Variants in NELL1 observed in about 807,000 individuals in gnomAD.
NELL1 encodes the protein protein kinase C-binding protein NELL1.
Under a neutral mutation model 107.4 loss-of-function variants are expected in NELL1, and 76 were observed. The observed-to-expected ratio is 0.71, with a 90% CI of 0.59 to 0.86. The LOEUF is 0.86. Among genes scored for constraint, NELL1 ranks in the 40% least tolerant of loss-of-function variants. NELL1 has a pLI of 0.00. For missense variants in NELL1, 1,024 were observed against 1,005.5 expected (o/e 1.02, Z -0.25); for synonymous variants, 353 against 341.2 (o/e 1.03, Z -0.38).
chr11:20,722,528 G>A (rs937048127), intron 2 of NELL1, among the ~76,000 whole-genome samples: 7 of 152,064 alleles, frequency 4.6e-5, no homozygotes, highest in African/African-American at 1.2e-4. Context: ...AAACATTTAC[G>A]CCAATGCTTG....
chr11:20,742,857 C>CT (rs970040628), intron 2 of NELL1, among the ~76,000 whole-genome samples: 5 of 152,084 alleles, frequency 3.3e-5, no homozygotes, highest in African/African-American at 1.2e-4. Flanking sequence ...CATAGCAGTG[C>CT]TTTTTGGAGG....
intron 13 of NELL1, among the ~76,000 whole-genome samples, chr11:21,221,760 A>G (rs1385885023): frequency 1.3e-5 from 2 of 152,082 alleles, no homozygotes; most frequent in Non-Finnish European, 2.9e-5. Context: ...TGGCATGATC[A>G]GGGCTCACTG....
intron 3 of NELL1, among the ~76,000 whole-genome samples, chr11:20,813,255 C>T (rs991354589): frequency 5.3e-5 from 8 of 152,140 alleles, no homozygotes; most frequent in Admixed American, 1.3e-4. Flanking sequence ...TAATTTTAGG[C>T]TGACGTTAGA....
At chr11:21,361,810 A>T (rs1851082853) in intron 14 of NELL1, among the ~76,000 whole-genome samples, 1 of 151,986 alleles carries the variant, frequency 6.6e-6, no homozygotes, top group South Asian at 2.1e-4. Flanking sequence ...TATTTCTCTA[A>T]GTATTCCTTT....
intron 2 of NELL1, among the ~76,000 whole-genome samples, chr11:20,682,375 A>G (rs1289775113): frequency 6.6e-6 from 1 of 152,038 alleles, no homozygotes; most frequent in African/African-American, 2.4e-5. Context: ...AAAATATATT[A>G]ATAAGATATT....
chr11:21,456,555 A>G (rs2133865947), intron 15 of NELL1, among the ~76,000 whole-genome samples: 1 of 152,030 alleles, frequency 6.6e-6, no homozygotes, highest in East Asian at 1.9e-4. Context: ...TTTGGATGGA[A>G]TGGAAATATT....
chr11:21,475,452 C>T (rs1229332561), intron 15 of NELL1, among the ~76,000 whole-genome samples: 1 of 152,144 alleles, frequency 6.6e-6, no homozygotes, highest in Admixed American at 6.6e-5. Flanking sequence ...ATAGTGCCCC[C>T]TGTAGGCATC....
intron 14 of NELL1, among the ~76,000 whole-genome samples, chr11:21,309,233 A>T (rs1405547052): frequency 7.1e-6 from 1 of 140,170 alleles, no homozygotes; most frequent in Non-Finnish European, 1.5e-5. Flanking sequence ...AAAGCCTATT[A>T]AAAAAACCCA....
At chr11:20,876,355 G>A (rs1166322178) in intron 4 of NELL1, among the ~76,000 whole-genome samples, 1 of 152,200 alleles carries the variant, frequency 6.6e-6, no homozygotes, top group Admixed American at 6.5e-5. Context: ...GGCAGGAGGA[G>A]ACTACAGAGT....
In NELL1 at chr11:20,687,365, G is replaced by A. The variant is rs144742592; in HGVS notation, c.184+9305G>A. On this transcript the variant is annotated intron_variant, in intron 2 of 19. Coordinates refer to ENST00000357134, the MANE Select transcript of NELL1 (RefSeq NM_006157.5). ...TTATTATTTTGAATTTTTGGTCTCAGTATGTCATATGTCATGTGGTGTCTT... is the reference window on the plus strand; with the variant it reads ...TTATTATTTTGAATTTTTGGTCTCAATATGTCATATGTCATGTGGTGTCTT... Among the ~76,000 whole-genome samples the A allele has an allele frequency of 7.3e-3, 1,106 of 152,006 alleles. 42 individuals are homozygous for A. The highest frequency in any genetic ancestry group is 0.055 in the Admixed American group (844 of 15,230).
At chr11:21,035,915 G>A (rs1260015996) in intron 12 of NELL1, among the ~76,000 whole-genome samples, 1 of 152,092 alleles carries the variant, frequency 6.6e-6, no homozygotes, top group Non-Finnish European at 1.5e-5. Context: ...ATATAAAAGG[G>A]CATTCAAATA....
At chr11:21,109,258 C>T (rs1305629659) in intron 12 of NELL1, among the ~76,000 whole-genome samples, 1 of 152,052 alleles carries the variant, frequency 6.6e-6, no homozygotes, top group Non-Finnish European at 1.5e-5. Flanking sequence ...AGGGGCTGTT[C>T]CTAGTTTTCC....
intron 13 of NELL1, chr11:21,169,647 T>G: frequency 2.2e-6 from 1 of 445,006 alleles, no homozygotes; most frequent in Non-Finnish European, 4.0e-6. Context: ...CTTAGTATGT[T>G]TAGGCAAACC....
rs975815550 is a variant in NELL1 at position 21,229,594 on chromosome 11, C to A, written c.1549+140C>A. On this transcript the variant is annotated intron_variant, in intron 14 of 19. Coordinates refer to ENST00000357134, the MANE Select transcript of NELL1 (RefSeq NM_006157.5). ...CCTGGTTTATCAACTGGCAAGGGTA[C>A]TGTGCGTCAGGGAAAAAGAAAAATG... 18 of 1,181,422 alleles carry A rather than the reference C, an allele frequency of 1.5e-5. No homozygotes were observed. In the South Asian group the frequency reaches 2.5e-4, roughly 16 times the overall value. The allele number at this position is 1,181,422 out of a possible 1,614,324, so 73.2% of individuals were successfully genotyped here.
At chr11:20,935,571 T>C (rs1212329988) in intron 9 of NELL1, 2 of 152,176 alleles carry the variant, frequency 1.3e-5, no homozygotes, top group African/African-American at 2.4e-5. Flanking sequence ...ACTAAGGATT[T>C]TGGACTTTAT....
chr11:21,321,476 C>G (rs1242319587), intron 14 of NELL1, among the ~76,000 whole-genome samples: 1 of 152,040 alleles, frequency 6.6e-6, no homozygotes, highest in Non-Finnish European at 1.5e-5. Context: ...CTCTTTTTAT[C>G]TCATATAAAT....
intron 13 of NELL1, among the ~76,000 whole-genome samples, chr11:21,162,464 G>A (rs1367483532): frequency 1.3e-5 from 2 of 152,100 alleles, no homozygotes. Flanking sequence ...ATACATCCCT[G>A]CAAAATGGAT....
intron 13 of NELL1, among the ~76,000 whole-genome samples, chr11:21,197,711 A>C (rs574754553): frequency 6.6e-6 from 1 of 151,570 alleles, no homozygotes; most frequent in East Asian, 1.9e-4. Flanking sequence ...ACTGATAAAT[A>C]GTGAGGCATC....
At chr11:20,842,755 G>A (rs1327567756) in intron 3 of NELL1, among the ~76,000 whole-genome samples, 2 of 152,204 alleles carry the variant, frequency 1.3e-5, no homozygotes, top group African/African-American at 4.8e-5. Context: ...AGGATTACAT[G>A]AGTAAATATT....
Sources: allele counts gnomAD v4.1 joint callset (sites outside exome capture counted in the v4.1 genomes callset), GRCh38; gene constraint gnomAD v4.1.1; transcripts MANE v1.5; gene names NCBI Gene and HGNC (gene_info 2026-07-23, HGNC 2026-07-21).